Variants in KALRN observed in about 807,000 individuals in gnomAD.
The protein encoded by KALRN is kalirin RhoGEF kinase, also known as kalirin.
In KALRN, 70 loss-of-function variants were observed where a neutral mutation model predicts 353.7. That is an observed-to-expected ratio of 0.20 (90% CI 0.16 to 0.24). The LOEUF is 0.24. Ranked by LOEUF, KALRN falls within the 10% of genes least tolerant of loss-of-function variation. The probability of loss-of-function intolerance (pLI) is 1.00; values close to 1 mark genes in which losing one functional copy is unlikely to be tolerated. For missense variants in KALRN, 2,791 were observed against 3,756.7 expected, an observed-to-expected ratio of 0.74 and a Z score of 6.72; for synonymous variants, 1,391 against 1,434.8, an observed-to-expected ratio of 0.97 and a Z score of 0.69.
At chr3:124,385,895 G>A (rs1350457749) in intron 11 of KALRN, among the ~76,000 whole-genome samples, 3 of 152,004 alleles carry the variant, frequency 2.0e-5, no homozygotes, top group South Asian at 4.2e-4. Flanking sequence ...ATGCATGCTT[G>A]TGTCCCCCCC....
chr3:124,260,482 C>T (rs1353350420), intron 3 of KALRN, among the ~76,000 whole-genome samples: 1 of 152,136 alleles, frequency 6.6e-6, no homozygotes, highest in Non-Finnish European at 1.5e-5. Flanking sequence ...AAATAGCAGC[C>T]CTTTGCCACC....
intron 13 of KALRN, among the ~76,000 whole-genome samples, chr3:124,404,874 C>T (rs72978476): frequency 6.8e-4 from 104 of 152,112 alleles, no homozygotes; most frequent in African/African-American, 2.1e-3. Flanking sequence ...AGTCCAATTT[C>T]GCCACTTTTT....
At chr3:124,547,206 C>T (rs990394753) in intron 33 of KALRN, among the ~76,000 whole-genome samples, 1 of 152,024 alleles carries the variant, frequency 6.6e-6, no homozygotes, top group African/African-American at 2.4e-5. Context: ...CACTGTGTTG[C>T]CCAGGCTGGC....
At chr3:124,058,837 T>C (rs1440864682) in intron 1 of KALRN, among the ~76,000 whole-genome samples, 3 of 152,126 alleles carry the variant, frequency 2.0e-5, no homozygotes, top group African/African-American at 7.2e-5. Flanking sequence ...ATTTATTTTA[T>C]ATATTTGTAT....
At chr3:124,267,849 A>G (rs1435853866) in intron 4 of KALRN, among the ~76,000 whole-genome samples, 1 of 152,216 alleles carries the variant, frequency 6.6e-6, no homozygotes, top group East Asian at 1.9e-4. Flanking sequence ...TGTGCTTTAC[A>G]CACATTGATA....
chr3:124,263,048 T>C (rs1405838976), intron 3 of KALRN, among the ~76,000 whole-genome samples: 1 of 152,178 alleles, frequency 6.6e-6, no homozygotes, highest in East Asian at 1.9e-4. Context: ...ATAGACTTTC[T>C]TCCAAACTGA....
intron 3 of KALRN, among the ~76,000 whole-genome samples, chr3:124,261,006 G>A (rs1226041543): frequency 6.6e-6 from 1 of 151,664 alleles, no homozygotes; most frequent in African/African-American, 2.4e-5. Flanking sequence ...TGTCAGTGTG[G>A]TGGGTTATAG....
At chr3:124,580,947 A>AAATAATAATAATAAT (rs145377277) in intron 34 of KALRN, among the ~76,000 whole-genome samples, 2 of 147,598 alleles carry the variant, frequency 1.4e-5, no homozygotes, top group Non-Finnish European at 3.0e-5. Context: ...GTCTCTATTA[A>AAATAATAATAATAAT]AATAATAATA....
At chr3:124,046,090 T>C (rs769803928) in intron 1 of KALRN, among the ~76,000 whole-genome samples, 1 of 152,226 alleles carries the variant, frequency 6.6e-6, no homozygotes, top group Non-Finnish European at 1.5e-5. Context: ...TGTAAACTTA[T>C]ATGTGCAGTT....
At chr3:124,346,263 C>T (rs950573207) in intron 9 of KALRN, among the ~76,000 whole-genome samples, 3 of 152,178 alleles carry the variant, frequency 2.0e-5, no homozygotes, top group African/African-American at 4.8e-5. Context: ...CCTCCCTGCA[C>T]GTCAAGGCTT....
rs1396001528 is a variant in KALRN, at chr3:124,724,085, C to T, written c.*4615C>T. 6.6e-6 allele frequency: 1 copy of T among 151,300 alleles called. No homozygotes were observed. Among genetic ancestry groups the T allele is most frequent in the African/African-American group, 2.4e-5 (1 of 41,114 alleles). The allele number at this position is 151,300 out of a possible 1,614,324, so 9.4% of individuals were successfully genotyped here. A position where few individuals can be genotyped will look rare whatever the true frequency, so the allele number is the denominator to read the frequency against. On this transcript the variant is annotated 3_prime_UTR_variant, in exon 60 of 60. Coordinates refer to ENST00000682506, the MANE Select transcript of KALRN (RefSeq NM_001388419.1). Reference sequence around the variant, plus strand: ...TTTAGGAGTTGCATATTTGCTATCCCATAACCTCCATGATTAGAGCCCACG... The same window carrying T: ...TTTAGGAGTTGCATATTTGCTATCCTATAACCTCCATGATTAGAGCCCACG...
intron 27 of KALRN, 130 bp downstream of exon 27, chr3:124,477,464 G>C (rs1385039832): frequency 1.4e-6 from 1 of 704,302 alleles, no homozygotes; most frequent in African/African-American, 1.8e-5. Context: ...CAAACCTTAA[G>C]CATGGAAAAA....
At chr3:124,718,480 T>C (rs1349624633) in intron 59 of KALRN, among the ~76,000 whole-genome samples, 5 of 152,132 alleles carry the variant, frequency 3.3e-5, no homozygotes, top group Admixed American at 1.3e-4. Flanking sequence ...GTATCATCCA[T>C]GAATTAATGA....
At chr3:124,309,637 A>G (rs1034123902) in intron 6 of KALRN, among the ~76,000 whole-genome samples, 2 of 152,184 alleles carry the variant, frequency 1.3e-5, no homozygotes, top group African/African-American at 4.8e-5. Context: ...GAGTCATCCC[A>G]GAATTGTGAG....
chr3:124,048,240 T>G (rs962282440), intron 1 of KALRN, among the ~76,000 whole-genome samples: 1 of 152,174 alleles, frequency 6.6e-6, no homozygotes, highest in South Asian at 2.1e-4. Flanking sequence ...TGTAAAAATA[T>G]TTACACAAAA....
At chr3:124,350,240 C>T (rs1451442294) in intron 10 of KALRN, among the ~76,000 whole-genome samples, 6 of 152,180 alleles carry the variant, frequency 3.9e-5, no homozygotes, top group Admixed American at 1.3e-4. Context: ...CTCACTGATG[C>T]CTGATATTCC....
chr3:124,324,901 C>T (rs1028045165), intron 6 of KALRN, among the ~76,000 whole-genome samples: 6 of 152,294 alleles, frequency 3.9e-5, no homozygotes, highest in East Asian at 3.9e-4. Context: ...TAACAAATAA[C>T]GAAGGTGTGT....
chr3:124,138,994 G>C (rs1352275208), intron 1 of KALRN, among the ~76,000 whole-genome samples: 1 of 152,182 alleles, frequency 6.6e-6, no homozygotes, highest in Non-Finnish European at 1.5e-5. Flanking sequence ...AAAGCTCACT[G>C]CAAAGATAAA....
chr3:124,306,233 C>T (rs1352910662), intron 6 of KALRN, among the ~76,000 whole-genome samples: 1 of 151,742 alleles, frequency 6.6e-6, no homozygotes, highest in African/African-American at 2.4e-5. Flanking sequence ...TGCCACCATG[C>T]CTAGCTAATT....
Sources: allele counts gnomAD v4.1 joint callset (sites outside exome capture counted in the v4.1 genomes callset), GRCh38; gene constraint gnomAD v4.1.1; transcripts MANE v1.5; gene names NCBI Gene and HGNC (gene_info 2026-07-23, HGNC 2026-07-21).